RCOR2: variants seen among roughly 807,000 people sequenced by gnomAD.
RCOR2 encodes REST corepressor 2.
RCOR2 carries 19 observed loss-of-function variants against 58.9 expected under a neutral mutation model. The observed-to-expected ratio is 0.32, with a 90% CI of 0.23 to 0.47. The LOEUF is 0.47. Among genes scored for constraint, RCOR2 ranks in the 20% least tolerant of loss-of-function variants. RCOR2 has a pLI of 1.00. For synonymous variants in RCOR2, 286 were observed against 278.7 expected, an observed-to-expected ratio of 1.03 and a Z score of -0.26; for missense variants, 590 against 707.9, an observed-to-expected ratio of 0.83 and a Z score of 1.89.
the RCOR2 span, among the ~76,000 whole-genome samples, chr11:63,925,611 A>C: frequency 6.6e-6 from 1 of 151,396 alleles, no homozygotes; most frequent in Non-Finnish European, 1.5e-5. Flanking sequence ...TGAAACTAGG[A>C]GTTCGTGACC....
chr11:63,912,028 A>G lies in RCOR2; in HGVS notation c.1409T>C (p.Leu470Pro). The change falls in exon 12 of 12, where the codon CTG becomes CCG. Residue 470 changes from leucine to proline, a missense_variant. This residue lies in a region of RCOR2 where 196 missense variants were observed against 210.7 expected (regional missense o/e 0.93). Coordinates refer to ENST00000301459, the MANE Select transcript of RCOR2 (RefSeq NM_173587.4). ...APTLLRQPPP[L>P]QQGRFLQPRL... ...GGGCTGGAGGAAGCGGCCCTGCTGC[A>G]GTGGGGGTGGCTGTCGGAGCAGAGT... 1 of 1,250,684 alleles carries G rather than the reference A, an allele frequency of 8.0e-7. No individual in the cohort carries two copies. Among genetic ancestry groups the G allele is most frequent in the Non-Finnish European group, 1.0e-6 (1 of 988,806 alleles). 77.5% of individuals were successfully genotyped at this position (1,250,684 alleles called of 1,614,324 possible). A position where few individuals can be genotyped will look rare whatever the true frequency, so the allele number is the denominator to read the frequency against.
rs762068800 is a variant in RCOR2 at position 63,915,171 on chromosome 11, C to A, written c.265+7G>T. On this transcript the variant is annotated splice_region_variant and intron_variant, in intron 3 of 11. Coordinates refer to ENST00000301459, the MANE Select transcript of RCOR2 (RefSeq NM_173587.4). ...GCCCCCACCTCCCAGGGCTGTGCCC[C>A]ACTCACGCTTGGCATCTGACACACA... 3 of 1,550,500 alleles carry A rather than the reference C, an allele frequency of 1.9e-6. No individual in the cohort carries two copies. In the South Asian group the frequency reaches 3.6e-5, roughly 18 times the overall value.
chr11:63,913,192 T>C (rs1199994478), intron 8 of RCOR2, among the ~76,000 whole-genome samples: 1 of 142,358 alleles, frequency 7.0e-6, no homozygotes, highest in South Asian at 2.2e-4. Flanking sequence ...ATATTTTTTT[T>C]TTTTTTTTTT....
Position 63,912,529 on chromosome 11 carries a change from G to C in RCOR2, c.1033C>G (p.Arg345Gly). ...GCCCCAAAGTCTTTGCCATACCTAC[G>C]GATGGCTGCAAGGGTCAAAAGGGCA... ...DEQLLAVQAI[R>G]RYGKDFGAIA... is the part of the protein sequence containing the mutation. Residue 345 changes from arginine (R) to glycine (G), a missense_variant, in exon 11 of 12, where the codon CGT becomes GGT. Coordinates refer to ENST00000301459, the MANE Select transcript of RCOR2 (RefSeq NM_173587.4). The C allele has an allele frequency of 6.2e-7, 1 of 1,613,064 alleles. No individual in the cohort carries two copies. The highest frequency in any genetic ancestry group is 8.5e-7 in the Non-Finnish European group (1 of 1,179,202).
chr11:63,919,484 T>C (rs973951761), upstream of RCOR2, among the ~76,000 whole-genome samples: 1 of 152,088 alleles, frequency 6.6e-6, no homozygotes, highest in Non-Finnish European at 1.5e-5. Context: ...TCCGCGGTTA[T>C]CCCAGATCCC....
At chr11:63,915,509 C>T (rs1242140813) in intron 2 of RCOR2, 46 bp downstream of exon 2, 2 of 1,534,350 alleles carry the variant, frequency 1.3e-6, no homozygotes, top group Non-Finnish European at 1.8e-6. Context: ...GGCCAAGCCC[C>T]GGGCCTCCAC....
In RCOR2 at chr11:63,914,346, C is replaced by A. The variant is rs1333447457; in HGVS notation, c.606-16G>T. 1.9e-6 allele frequency: 3 copies of A among 1,613,466 alleles called. No homozygotes were observed. The highest frequency in any genetic ancestry group is 2.5e-6 in the Non-Finnish European group (3 of 1,180,006). Reference sequence around the variant, plus strand: ...GAGCTCATCACTGCTGACACAGGGGCCAGGGAGGGAATGAGGCAGCTGCCA... The same window carrying A: ...GAGCTCATCACTGCTGACACAGGGGACAGGGAGGGAATGAGGCAGCTGCCA... On this transcript the variant is annotated splice_polypyrimidine_tract_variant and intron_variant, in intron 6 of 11. Transcript: ENST00000301459.
rs747330728 is a variant in RCOR2, at chr11:63,912,033, G to A, written c.1404C>T (p.Pro468=). The change falls in exon 12 of 12, where the codon CCC becomes CCT. Residue 468 remains proline (P), a synonymous_variant. Transcript: ENST00000301459. Reference sequence around the variant, plus strand: ...GGAGGAAGCGGCCCTGCTGCAGTGGGGGTGGCTGTCGGAGCAGAGTGGGAG... The same window carrying A: ...GGAGGAAGCGGCCCTGCTGCAGTGGAGGTGGCTGTCGGAGCAGAGTGGGAG... ...PTAPTLLRQP[P]PLQQGRFLQP... is the part of the protein sequence containing the mutation. The A allele has an allele frequency of 6.8e-7, 1 of 1,476,862 alleles. No homozygotes were observed. The highest frequency in any genetic ancestry group is 1.3e-5 in the South Asian group (1 of 74,494). The allele number at this position is 1,476,862 out of a possible 1,614,324, so 91.5% of individuals were successfully genotyped here.
At chr11:63,921,831 C>T (rs1941917343), upstream of RCOR2, among the ~76,000 whole-genome samples, 1 of 152,218 alleles carries the variant, frequency 6.6e-6, no homozygotes, top group Admixed American at 6.5e-5. Context: ...GCTCCTGGGT[C>T]TGACCTCTGG....
upstream of RCOR2, among the ~76,000 whole-genome samples, chr11:63,920,088 G>C (rs1026868572): frequency 2.0e-5 from 3 of 152,254 alleles, no homozygotes; most frequent in Non-Finnish European, 4.4e-5. Context: ...TATGATGCCT[G>C]TGGTGGTTTC....
Position 63,911,253 on chromosome 11 carries a change from T to C in RCOR2, c.*612A>G, listed in dbSNP as rs1379751689. ...GCTTAGATTTTATTTTTTTTAATTT[T>C]TAAAAAATGTTGAAAAATAAATCCA... On this transcript the variant is annotated 3_prime_UTR_variant, in exon 12 of 12. Coordinates refer to ENST00000301459, the MANE Select transcript of RCOR2 (RefSeq NM_173587.4). 2 of 152,194 alleles carry C rather than the reference T, an allele frequency of 1.3e-5. No homozygotes were observed. The highest frequency in any genetic ancestry group is 6.5e-5 in the Admixed American group (1 of 15,288). The allele number at this position is 152,194 out of a possible 1,614,324, so 9.4% of individuals were successfully genotyped here.
Position 63,912,157 on chromosome 11 carries a change from G to T in RCOR2, c.1280C>A (p.Thr427Lys). The change falls in exon 12 of 12, where the codon ACG becomes AAG. Residue 427 changes from threonine to lysine, a missense_variant. By Grantham distance (78) the Thr-to-Lys change is moderately conservative. Coordinates refer to ENST00000301459, the MANE Select transcript of RCOR2 (RefSeq NM_173587.4). ...DDEVQITSVS[T>K]SVPRSVPPAP... ...AGGGGGCACTGATCGGGGCACGGAC[G>T]TGGAGACCGATGTAATCTGGACCTG... 1 of 1,543,836 alleles carries T rather than the reference G, an allele frequency of 6.5e-7. No individual in the cohort carries two copies. The highest frequency in any genetic ancestry group is 8.7e-7 in the Non-Finnish European group (1 of 1,147,810).
intron 1 of RCOR2, 131 bp from the exon 2 acceptor site, chr11:63,915,742 TCAC>T (rs1199527355): frequency 1.3e-6 from 1 of 776,200 alleles, no homozygotes; most frequent in African/African-American, 1.7e-5. Context: ...TCCAGGAGGC[TCAC>T]TTTTCCCTCA....
rs1328258354 is a variant in RCOR2 at position 63,917,157 on chromosome 11, C to T, written c.-701G>A. On this transcript the variant is annotated 5_prime_UTR_variant, in exon 1 of 12. Coordinates refer to ENST00000301459, the MANE Select transcript of RCOR2 (RefSeq NM_173587.4). ...TCTCCGCCGCCGCTCGCTCCTCGCG[C>T]ACACAATGAAGCTGCTGGCAGGGAA... Among the ~76,000 whole-genome samples the T allele has an allele frequency of 3.3e-5, 5 of 151,984 alleles. No individual in the cohort carries two copies. Among genetic ancestry groups the T allele is most frequent in the Non-Finnish European group, 5.9e-5 (4 of 67,932 alleles).
At chr11:63,912,269 C>T (rs933860399) in intron 11 of RCOR2, 36 bp downstream of exon 11, 3 of 1,601,396 alleles carry the variant, frequency 1.9e-6, no homozygotes, top group African/African-American at 2.7e-5. Context: ...CGCCTCGCCT[C>T]TCCTCTCTGA....
rs562331912 is a variant in RCOR2, at chr11:63,914,787, G to A, written c.348C>T (p.His116=). ...QALGMLLWHK[H]DVEKSLADLA... is the part of the protein sequence containing the mutation. The stretch of plus-strand genomic sequence containing the variant: ...GGTCGGCCAGCGACTTCTCCACATC[G>A]TGCTTATGCCACAGAAGCATGCCCA... Residue 116 remains histidine (H), a synonymous_variant, in exon 5 of 12, where the codon CAC becomes CAT. Coordinates refer to ENST00000301459, the MANE Select transcript of RCOR2 (RefSeq NM_173587.4). 13 of 1,611,768 alleles carry A rather than the reference G, an allele frequency of 8.1e-6. No homozygotes were observed. Among genetic ancestry groups the A allele is most frequent in the African/African-American group, 5.3e-5 (4 of 75,000 alleles).
chr11:63,917,451 C>T (rs564717457), upstream of RCOR2, among the ~76,000 whole-genome samples: 2 of 152,236 alleles, frequency 1.3e-5, no homozygotes, highest in South Asian at 4.1e-4. Context: ...CGCACACCAA[C>T]ACCACACACC....
At chr11:63,916,208 C>G (rs1183644260) in intron 1 of RCOR2, 122 bp downstream of exon 1, 1 of 927,566 alleles carries the variant, frequency 1.1e-6, no homozygotes, top group East Asian at 2.7e-5. Flanking sequence ...CGCAGAGGCT[C>G]CAATCCAGGA....
chr11:63,926,712 C>T, the RCOR2 span, among the ~76,000 whole-genome samples: 1 of 151,728 alleles, frequency 6.6e-6, no homozygotes, highest in South Asian at 2.1e-4. Context: ...TCTTGAACTC[C>T]TGACCTCACG....
Sources: gnomAD v4.1 joint callset for allele counts (sites outside exome capture counted in the v4.1 genomes callset) on GRCh38, gnomAD v4.1.1 for gene constraint, gnomAD v4.1.1 regional missense constraint, MANE v1.5 for transcripts, NCBI Gene and HGNC (gene_info 2026-07-23, HGNC 2026-07-21) for gene names.